OAS1: variants seen among roughly 807,000 people sequenced by gnomAD.
OAS1 encodes the protein 2'-5'-oligoadenylate synthetase 1, also known as 2'-5'-oligoadenylate synthase 1.
In OAS1, 24 loss-of-function variants were observed where a neutral mutation model predicts 38.5. That is an observed-to-expected ratio of 0.62 (90% CI 0.45 to 0.88). OAS1 has a LOEUF of 0.88. Among genes scored for constraint, OAS1 ranks in the 40% least tolerant of loss-of-function variants. OAS1 has a pLI of 0.00. For synonymous variants in OAS1, 169 were observed against 193.9 expected, an observed-to-expected ratio of 0.87 and a Z score of 1.07; for missense variants, 482 against 493.9, an observed-to-expected ratio of 0.98 and a Z score of 0.23.
intron 2 of OAS1, chr12:112,909,048 A>T: frequency 2.1e-6 from 1 of 482,988 alleles, no homozygotes; most frequent in Non-Finnish European, 3.6e-6. Context: ...CTTACAGAAC[A>T]TCTGCAAGGC....
At chr12:112,926,420 G>A (rs572394814) in intron 6 of OAS1, among the ~76,000 whole-genome samples, 59 of 152,200 alleles carry the variant, frequency 3.9e-4, no homozygotes, top group African/African-American at 1.3e-3. Context: ...CCCAAGTGTC[G>A]GCTGGTCTGA....
chr12:112,916,680 T>C lies in OAS1; in HGVS notation c.826T>C (p.Tyr276His). 1 of 1,614,170 alleles carries C rather than the reference T, an allele frequency of 6.2e-7. No homozygotes were observed. Among genetic ancestry groups the C allele is most frequent in the African/African-American group, 1.3e-5 (1 of 75,032 alleles). ...QQLCIYWTKYYDFKNPIIEKY... is the reference protein window; with the variant it reads ...QQLCIYWTKYHDFKNPIIEKY... ...ACTCTGCATCTACTGGACAAAGTATTATGACTTTAAAAACCCCATTATTGA... is the reference window on the plus strand; with the variant it reads ...ACTCTGCATCTACTGGACAAAGTATCATGACTTTAAAAACCCCATTATTGA... Residue 276 changes from tyrosine (Y) to histidine (H), a missense_variant, in exon 4 of 6, where the codon TAT becomes CAT. Physicochemically the swap from Tyr to His is moderately conservative, Grantham distance 83. Transcript: ENST00000202917.
At chr12:112,918,388 A>T (rs962407825) in intron 5 of OAS1, 3 of 275,064 alleles carry the variant, frequency 1.1e-5, no homozygotes, top group Non-Finnish European at 2.2e-5. Context: ...TATCCAGTTC[A>T]CACTGATGGG....
chr12:112,906,979 C>A lies in OAS1; in HGVS notation c.-61C>A. The A allele has an allele frequency of 6.4e-7, 1 of 1,568,572 alleles. No individual in the cohort carries two copies. Among genetic ancestry groups the A allele is most frequent in the Non-Finnish European group, 8.8e-7 (1 of 1,141,472 alleles). On this transcript the variant is annotated 5_prime_UTR_variant, in exon 1 of 6. Coordinates refer to ENST00000202917, the MANE Select transcript of OAS1 (RefSeq NM_016816.4). ...CCAACAGCAGTCCAAGCTCAGTCAG[C>A]AGAAGAGATAAAAGCAAACAGGTCT...
downstream of OAS1, among the ~76,000 whole-genome samples, chr12:112,920,354 G>A (rs1003931841): frequency 2.0e-5 from 3 of 152,290 alleles, no homozygotes; most frequent in Non-Finnish European, 2.9e-5. Flanking sequence ...TGAGTGCAAG[G>A]TATATACTTG....
At chr12:112,916,050 T>C (rs1176026261) in intron 3 of OAS1, among the ~76,000 whole-genome samples, 1 of 152,228 alleles carries the variant, frequency 6.6e-6, no homozygotes, top group Non-Finnish European at 1.5e-5. Context: ...CTTCTGTGCA[T>C]TTCTTAGGAA....
intron 6 of OAS1, among the ~76,000 whole-genome samples, chr12:112,928,680 G>T (rs1269122363): frequency 2.6e-5 from 4 of 152,242 alleles, no homozygotes; most frequent in Non-Finnish European, 4.4e-5. Context: ...GCCATTTAAG[G>T]CCTCAGCCCA....
At chr12:112,917,895 C>T in intron 5 of OAS1, 195 bp downstream of exon 5, 1 of 1,465,230 alleles carries the variant, frequency 6.8e-7, no homozygotes, top group African/African-American at 1.4e-5. Context: ...TTTTCACATC[C>T]CTTGTCCAGA....
At chr12:112,907,293 A>T in intron 1 of OAS1, 74 bp downstream of exon 1, 1 of 1,494,222 alleles carries the variant, frequency 6.7e-7, no homozygotes, top group Non-Finnish European at 9.2e-7. Flanking sequence ...TGAGAGAGAG[A>T]GAGAGAGAGA....
chr12:112,931,949 C>G (rs780676688), exon 7 of OAS1: 1 of 702,288 alleles, frequency 1.4e-6, no homozygotes, highest in South Asian at 1.5e-5. Context: ...TTGCAACAGA[C>G]AAGAGGAGCC....
rs746288713 is a variant in OAS1, at chr12:112,918,004, C to T, written c.1038+304C>T. The stretch of plus-strand genomic sequence containing the variant: ...TGTCCTAAGCCCTTTAATATGCACT[C>T]TCTCATTAAATAGTCACAACAATCC... On this transcript the variant is annotated intron_variant, in intron 5 of 5. Transcript: ENST00000202917. The T allele has an allele frequency of 1.1e-5, 13 of 1,146,846 alleles. No homozygotes were observed. In the Admixed American group the frequency reaches 3.5e-4, roughly 31 times the overall value. 71.0% of individuals were successfully genotyped at this position (1,146,846 alleles called of 1,614,324 possible). A position where few individuals can be genotyped will look rare whatever the true frequency, so the allele number is the denominator to read the frequency against.
At chr12:112,930,822 G>A (rs574621087) in intron 6 of OAS1, among the ~76,000 whole-genome samples, 13 of 152,304 alleles carry the variant, frequency 8.5e-5, no homozygotes, top group Non-Finnish European at 1.5e-4. Flanking sequence ...CGCTCCCCTG[G>A]GGGTGTCCCA....
downstream of OAS1, among the ~76,000 whole-genome samples, chr12:112,923,345 C>T (rs1366093004): frequency 6.6e-6 from 1 of 152,186 alleles, no homozygotes; most frequent in Non-Finnish European, 1.5e-5. Context: ...CAAGAGTTCC[C>T]ATCCCTCCAC....
chr12:112,929,112 C>A (rs1032879636), intron 6 of OAS1, among the ~76,000 whole-genome samples: 1 of 152,214 alleles, frequency 6.6e-6, no homozygotes, highest in African/African-American at 2.4e-5. Context: ...CCAAGATGAC[C>A]CCATGCCAGA....
intron 6 of OAS1, among the ~76,000 whole-genome samples, chr12:112,928,105 G>T (rs1462124040): frequency 6.6e-6 from 1 of 152,184 alleles, no homozygotes; most frequent in Non-Finnish European, 1.5e-5. Context: ...TTGCAGGAAG[G>T]TCTCATGATT....
rs544491573 is a variant in OAS1, at chr12:112,928,963, C to T, written c.1168-2915C>T. Among the ~76,000 whole-genome samples the T allele has an allele frequency of 2.6e-5, 4 of 152,332 alleles. No individual in the cohort carries two copies. In the East Asian group the frequency reaches 7.7e-4, roughly 29 times the overall value. ...ACAGCAATCCCAGGCCTGGGAACCT[C>T]TGTAAGTCCCTTTCCCAGGGCCTCT... On this transcript the variant is annotated intron_variant, in intron 6 of 6. Transcript: ENST00000540589.
At chr12:112,917,990 C>G (rs1368091078) in intron 5 of OAS1, 2 of 1,243,196 alleles carry the variant, frequency 1.6e-6, no homozygotes, top group East Asian at 3.1e-5. Flanking sequence ...GTCCTAAGCC[C>G]TTTAATATGC....
At position 112,908,558 on chromosome 12, in the gene OAS1, C is replaced by G. The variant is rs1280211359; in HGVS notation, c.203C>G (p.Thr68Ser). The change falls in exon 2 of 6, where the codon ACC becomes AGC. Residue 68 changes from threonine to serine, a missense_variant. By Grantham distance (58) the Thr-to-Ser change is moderately conservative. Transcript: ENST00000202917. ...CAGGGTGGCTCCTCAGGCAAGGGCA[C>G]CACCCTCAGAGGCCGATCTGACGCT... is the stretch of plus-strand genomic sequence containing the variant. Reference protein sequence around the residue: ...VVKGGSSGKGTTLRGRSDADL... With the variant: ...VVKGGSSGKGSTLRGRSDADL... 2.5e-6 allele frequency: 4 copies of G among 1,613,652 alleles called. No homozygotes were observed. The South Asian group carries it at 4.4e-5, about 18-fold the overall frequency.
At chr12:112,917,259 A>T (rs1257053106) in intron 4 of OAS1, among the ~76,000 whole-genome samples, 2 of 152,174 alleles carry the variant, frequency 1.3e-5, no homozygotes, top group African/African-American at 4.8e-5. Context: ...TACAGATAAG[A>T]ATCCTGAGGC....
Sources: allele counts gnomAD v4.1 joint callset (sites outside exome capture counted in the v4.1 genomes callset), GRCh38; gene constraint gnomAD v4.1.1; transcripts MANE v1.5; gene names NCBI Gene and HGNC (gene_info 2026-07-23, HGNC 2026-07-21).